GMEB1: variants seen among roughly 807,000 people sequenced by gnomAD.
GMEB1 encodes the protein glucocorticoid modulatory element binding protein 1, also known as glucocorticoid modulatory element-binding protein 1.
A neutral mutation model predicts 52.4 loss-of-function variants in GMEB1; 6 were observed. That is an observed-to-expected ratio of 0.11 (90% confidence interval 0.06 to 0.23). GMEB1 has a LOEUF of 0.23. GMEB1 is among the 10% of genes least tolerant of loss of function. The pLI is 1.00. For synonymous variants in GMEB1, 255 were observed against 244.9 expected (o/e 1.04, Z -0.38); for missense variants, 486 against 685.6 (o/e 0.71, Z 3.25).
In GMEB1 at chr1:28,687,377, C is replaced by CAAAAAAAAAA. The variant is rs1260455703; in HGVS notation, c.129-2726_129-2725insAAAAAAAAAA. Among the ~76,000 whole-genome samples the CAAAAAAAAAA allele has an allele frequency of 2.2e-3, 32 of 14,788 alleles. 7 individuals carry two copies. The highest frequency in any genetic ancestry group is 6.3e-3 in the East Asian group (1 of 158). The allele number at this position is 14,788 out of a possible 152,430, so 9.7% of individuals were successfully genotyped here. On this transcript the variant is annotated intron_variant, in intron 2 of 9. Coordinates refer to ENST00000373816, the MANE Select transcript of GMEB1 (RefSeq NM_001319674.2). The stretch of plus-strand genomic sequence containing the variant: ...ACACACACACACACACACACACACA[C>CAAAAAAAAAA]ACACACACACAAAAAAAGACAGTGG...
At chr1:28,669,059 T>C (rs976939220) in intron 1 of GMEB1, among the ~76,000 whole-genome samples, 1 of 138,636 alleles carries the variant, frequency 7.2e-6, no homozygotes, top group Non-Finnish European at 1.6e-5. Flanking sequence ...ACGCTGCCGC[T>C]GGGTCCGCCC....
rs764213889 is a variant in GMEB1 at position 28,697,038 on chromosome 1, G to T, written c.552G>T (p.Val184=). The T allele has an allele frequency of 1.2e-6, 2 of 1,612,740 alleles. No homozygotes were observed. The highest frequency in any genetic ancestry group is 1.7e-6 in the Non-Finnish European group (2 of 1,179,448). The change falls in exon 6 of 10, where the codon GTG becomes GTT. Residue 184 remains valine (V), a synonymous_variant. Transcript: ENST00000373816. The part of the protein sequence containing the change: ...DLLISSARAP[V]PGQQTSVVQT... ...TGATCAGCAGTGCAAGAGCTCCAGTGCCAGGACAGCAGACAAGTGTGGTGC... is the reference window on the plus strand; with the variant it reads ...TGATCAGCAGTGCAAGAGCTCCAGTTCCAGGACAGCAGACAAGTGTGGTGC...
intron 1 of GMEB1, among the ~76,000 whole-genome samples, chr1:28,681,763 C>T (rs961870718): frequency 4.0e-5 from 6 of 151,656 alleles, no homozygotes; most frequent in Non-Finnish European, 8.8e-5. Flanking sequence ...AGTGCAATGG[C>T]ATGATCTCGG....
intron 1 of GMEB1, among the ~76,000 whole-genome samples, chr1:28,675,766 C>T (rs1418485172): frequency 6.6e-6 from 1 of 151,784 alleles, no homozygotes; most frequent in Non-Finnish European, 1.5e-5. Context: ...TTTCACAATG[C>T]ATACTCCAAA....
chr1:28,678,224 A>C (rs1327938258), intron 1 of GMEB1, among the ~76,000 whole-genome samples: 1 of 151,930 alleles, frequency 6.6e-6, no homozygotes, highest in Non-Finnish European at 1.5e-5. Flanking sequence ...GAAAGGAAGA[A>C]GCTCCCCTTA....
At chr1:28,669,966 T>C (rs1192064449) in intron 1 of GMEB1, among the ~76,000 whole-genome samples, 1 of 152,064 alleles carries the variant, frequency 6.6e-6, no homozygotes, top group African/African-American at 2.4e-5. Context: ...CCCTGGATTC[T>C]CTCAAGATGA....
intron 4 of GMEB1, among the ~76,000 whole-genome samples, chr1:28,692,127 C>T (rs957773826): frequency 6.6e-6 from 1 of 151,834 alleles, no homozygotes; most frequent in African/African-American, 2.4e-5. Context: ...TCTCCTACCT[C>T]AGCCTCCTCT....
At chr1:28,670,576 C>T (rs1668838503) in intron 1 of GMEB1, among the ~76,000 whole-genome samples, 1 of 152,118 alleles carries the variant, frequency 6.6e-6, no homozygotes. Flanking sequence ...GATCCCACAT[C>T]CTCAGCCTCC....
Position 28,714,881 on chromosome 1 carries a change from A to C in GMEB1, c.*108A>C, listed in dbSNP as rs1471872848. ...CACATAGGACCCTTTTTTAAAAAAA[A>C]AAAAACAAAATCTTATTGTTGTAAC... is the stretch of plus-strand genomic sequence containing the variant. On this transcript the variant is annotated 3_prime_UTR_variant, in exon 10 of 10. Coordinates refer to ENST00000373816, the MANE Select transcript of GMEB1 (RefSeq NM_001319674.2). 41 of 783,586 alleles carry C rather than the reference A, an allele frequency of 5.2e-5. No homozygotes were observed. Among genetic ancestry groups the C allele is most frequent in the Middle Eastern group, 7.5e-4 (2 of 2,662 alleles). The allele number at this position is 783,586 out of a possible 1,614,324, so 48.5% of individuals were successfully genotyped here. A position where few individuals can be genotyped will look rare whatever the true frequency, so the allele number is the denominator to read the frequency against.
chr1:28,702,578 C>A lies in GMEB1; in HGVS notation c.730+9C>A. 3 of 1,611,850 alleles carry A rather than the reference C, an allele frequency of 1.9e-6. No homozygotes were observed. In the South Asian group the frequency reaches 3.3e-5, roughly 18 times the overall value. ...CTCAGAGGAAATTTCAGGTATTCTTCTATAGGGCTCAGATGTCTTGCAGGG... is the reference window on the plus strand; with the variant it reads ...CTCAGAGGAAATTTCAGGTATTCTTATATAGGGCTCAGATGTCTTGCAGGG... On this transcript the variant is annotated intron_variant, in intron 7 of 9. Transcript: ENST00000373816.
chr1:28,718,609 C>T lies in GMEB1; in HGVS notation c.*3836C>T, dbSNP rs760234195. ...GGGCAACATCCCCAGCTCAGAAAAC[C>T]AAAACTACACATTTCATTATAATTG... On this transcript the variant is annotated 3_prime_UTR_variant, in exon 10 of 10. Transcript: ENST00000373816. 3.3e-5 allele frequency: 5 copies of T among 152,032 alleles called. No homozygotes were observed. Among genetic ancestry groups the T allele is most frequent in the South Asian group, 4.1e-4 (2 of 4,828 alleles). The allele number at this position is 152,032 out of a possible 1,614,324, so 9.4% of individuals were successfully genotyped here.
intron 2 of GMEB1, among the ~76,000 whole-genome samples, chr1:28,686,691 T>G (rs1326432163): frequency 2.0e-5 from 3 of 152,002 alleles, no homozygotes; most frequent in Non-Finnish European, 2.9e-5. Flanking sequence ...AAGAGATTTT[T>G]CACATAGTGG....
At chr1:28,696,108 C>A (rs1412600220) in intron 5 of GMEB1, among the ~76,000 whole-genome samples, 1 of 151,004 alleles carries the variant, frequency 6.6e-6, no homozygotes, top group Admixed American at 6.6e-5. Context: ...AACTCTGTCA[C>A]CCAGGCTGGA....
At chr1:28,692,381 A>T (rs1452758775) in intron 4 of GMEB1, among the ~76,000 whole-genome samples, 1 of 152,008 alleles carries the variant, frequency 6.6e-6, no homozygotes, top group East Asian at 1.9e-4. Flanking sequence ...AAAATACAAA[A>T]ATTAGCTGGA....
At chr1:28,683,889 G>A (rs571160277) in intron 2 of GMEB1, 149 bp downstream of exon 2, 18 of 660,140 alleles carry the variant, frequency 2.7e-5, no homozygotes, top group Middle Eastern at 2.5e-4. Context: ...ACTGTATTGC[G>A]TGCTGTATTT....
rs759475211 is a variant in GMEB1 at position 28,702,531 on chromosome 1, C to T, written c.692C>T (p.Thr231Met). Residue 231 changes from threonine (T) to methionine (M), a missense_variant, in exon 7 of 10, where the codon ACG becomes ATG. Thr to Met is a moderately conservative substitution (Grantham distance 81). Around this residue, in one of 5 missense-constraint regions of GMEB1, gnomAD observed 200 missense variants for 253.5 expected, o/e 0.79. Transcript: ENST00000373816. The part of the protein sequence containing the change: ...SALTAAVTMA[T>M]EEGVKKDSEE... Reference sequence around the variant, plus strand: ...CTCACCGCTGCTGTCACCATGGCCACGGAGGAGGGTGTAAAGAAAGACTCA... The same window carrying T: ...CTCACCGCTGCTGTCACCATGGCCATGGAGGAGGGTGTAAAGAAAGACTCA... 1.4e-5 allele frequency: 23 copies of T among 1,613,506 alleles called. No individual in the cohort carries two copies. The highest frequency in any genetic ancestry group is 1.3e-4 in the East Asian group (6 of 44,872).
intron 9 of GMEB1, among the ~76,000 whole-genome samples, chr1:28,710,954 C>A (rs1671033574): frequency 6.6e-6 from 1 of 152,034 alleles, no homozygotes; most frequent in South Asian, 2.1e-4. Context: ...GTCTTTTTTA[C>A]ATTATTGATA....
At position 28,702,447 on chromosome 1, in the gene GMEB1, C is replaced by T. The variant is rs201750134; in HGVS notation, c.608C>T (p.Thr203Met). 24 of 1,613,294 alleles carry T rather than the reference C, an allele frequency of 1.5e-5. No individual in the cohort carries two copies. Among genetic ancestry groups the T allele is most frequent in the South Asian group, 3.3e-5 (3 of 91,068 alleles). The change falls in exon 7 of 10, where the codon ACG (threonine) becomes ATG (methionine). Residue 203 changes from threonine to methionine, a missense_variant. Thr to Met is a moderately conservative substitution (Grantham distance 81). This residue lies in a region of GMEB1 where 200 missense variants were observed against 253.5 expected (regional missense o/e 0.79). Transcript: ENST00000373816. ...QTPTSADGSITQIAISEESME... is the reference protein window; with the variant it reads ...QTPTSADGSIMQIAISEESME... ...ACTGGACTGTTTTTAGGTAGCATCA[C>T]GCAGATTGCCATCTCAGAAGAGAGC...
rs1671328395 is a variant in GMEB1, at chr1:28,718,586, G to GC, written c.*3814dup. Reference sequence around the variant, plus strand: ...ACTGTACTCTAGCCCAGGTAACAGGGCAACATCCCCAGCTCAGAAAACCAA... The same window carrying GC: ...ACTGTACTCTAGCCCAGGTAACAGGGCCAACATCCCCAGCTCAGAAAACCAA... On this transcript the variant is annotated 3_prime_UTR_variant, in exon 10 of 10. Coordinates refer to ENST00000373816, the MANE Select transcript of GMEB1 (RefSeq NM_001319674.2). 1 of 152,042 alleles carries GC rather than the reference G, an allele frequency of 6.6e-6. No individual in the cohort carries two copies. Among genetic ancestry groups the GC allele is most frequent in the Admixed American group, 6.6e-5 (1 of 15,248 alleles). 9.4% of individuals were successfully genotyped at this position (152,042 alleles called of 1,614,324 possible). A position where few individuals can be genotyped will look rare whatever the true frequency, so the allele number is the denominator to read the frequency against.
Sources: allele counts gnomAD v4.1 joint callset (sites outside exome capture counted in the v4.1 genomes callset), GRCh38; gene constraint gnomAD v4.1.1; regional missense constraint gnomAD v4.1.1; transcripts MANE v1.5; gene names NCBI Gene and HGNC (gene_info 2026-07-23, HGNC 2026-07-21).